RASA3: variants seen among roughly 807,000 people sequenced by gnomAD.
RASA3 encodes RAS p21 protein activator 3, also known as ras GTPase-activating protein 3.
Under a neutral mutation model 110.0 loss-of-function variants are expected in RASA3, and 73 were observed. The ratio of observed to expected loss-of-function variants is 0.66; its 90% CI spans 0.55 to 0.81. RASA3 has a LOEUF of 0.81. Among genes scored for constraint, RASA3 ranks in the 30% least tolerant of loss-of-function variants. The pLI, the probability that RASA3 is intolerant of heterozygous loss-of-function variation, is 0.00. For synonymous variants in RASA3, 500 were observed against 451.4 expected (o/e 1.11, Z -1.37); for missense variants, 976 against 1,113.2 (o/e 0.88, Z 1.75).
At chr13:114,027,141 G>A (rs1358447241) in intron 7 of RASA3, among the ~76,000 whole-genome samples, 1 of 152,238 alleles carries the variant, frequency 6.6e-6, no homozygotes, top group Non-Finnish European at 1.5e-5. Context: ...AGGAGGGAAG[G>A]TCCTGTGGCC....
chr13:114,117,630 GA>G (rs1454249428), intron 1 of RASA3, among the ~76,000 whole-genome samples: 1 of 138,394 alleles, frequency 7.2e-6, no homozygotes, highest in East Asian at 2.3e-4. Flanking sequence ...GCACGTGTCT[GA>G]GGGGTGCATG....
chr13:114,018,375 C>T, intron 10 of RASA3, 123 bp from the exon 11 acceptor site: 1 of 1,267,342 alleles, frequency 7.9e-7, no homozygotes. Context: ...GAGACAGAAA[C>T]ACACACATTC....
intron 1 of RASA3, among the ~76,000 whole-genome samples, chr13:114,100,369 G>C (rs1045473521): frequency 2.0e-5 from 3 of 152,174 alleles, no homozygotes; most frequent in Non-Finnish European, 4.4e-5. Context: ...GGAGATTTTA[G>C]ACTCTTGTGC....
intron 8 of RASA3, among the ~76,000 whole-genome samples, chr13:114,023,634 G>C (rs1047909399): frequency 3.3e-5 from 5 of 152,234 alleles, no homozygotes; most frequent in African/African-American, 1.2e-4. Context: ...GCGGGATCGT[G>C]GGGCTCTCTA....
At chr13:114,099,455 A>G (rs61971962) in intron 1 of RASA3, among the ~76,000 whole-genome samples, 10,557 of 151,744 alleles carry the variant, frequency 0.07, 451 homozygotes, top group Middle Eastern at 0.16. Flanking sequence ...GCACATTTGG[A>G]TTCCCCGGGG....
rs2053336866 is a variant in RASA3, at chr13:113,999,652, T to C, written c.1865A>G (p.Tyr622Cys). Residue 622 changes from tyrosine (Y) to cysteine (C), a missense_variant, in exon 20 of 24, where the codon TAC becomes TGC. Coordinates refer to ENST00000334062, the MANE Select transcript of RASA3 (RefSeq NM_007368.4). ...YHKSKGDQPLYSIPIENILAV... is the reference protein window; with the variant it reads ...YHKSKGDQPLCSIPIENILAV... ...CAGGATGTTCTCGATGGGAATGCTG[T>C]AGAGAGGCTGGTCCCCTGCAGCAGA... The C allele has an allele frequency of 5.0e-6, 8 of 1,612,008 alleles. No individual in the cohort carries two copies. The Admixed American group carries it at 1.0e-4, about 20-fold the overall frequency.
chr13:114,010,371 C>T (rs2053604788), intron 16 of RASA3, among the ~76,000 whole-genome samples: 2 of 151,962 alleles, frequency 1.3e-5, no homozygotes, highest in African/African-American at 4.8e-5. Flanking sequence ...CTGGCCTGGC[C>T]CCTGCAGAGA....
chr13:114,055,240 C>A (rs9525227), intron 2 of RASA3, among the ~76,000 whole-genome samples: 1 of 152,186 alleles, frequency 6.6e-6, no homozygotes. Flanking sequence ...CATGTTCATG[C>A]GTGCATGCAT....
At chr13:114,027,753 A>G in intron 6 of RASA3, 94 bp downstream of exon 6, 1 of 1,289,538 alleles carries the variant, frequency 7.8e-7, no homozygotes. Context: ...CAACCTCCTG[A>G]CTCCTCCCAA....
intron 1 of RASA3, among the ~76,000 whole-genome samples, chr13:114,074,322 CTG>C (rs2079630412): frequency 6.6e-6 from 1 of 152,182 alleles, no homozygotes; most frequent in African/African-American, 2.4e-5. Context: ...ACCCCACTTT[CTG>C]TCTCTGTGGA....
At chr13:114,128,068 C>T (rs1031071348) in intron 1 of RASA3, among the ~76,000 whole-genome samples, 1 of 152,214 alleles carries the variant, frequency 6.6e-6, no homozygotes, top group Non-Finnish European at 1.5e-5. Flanking sequence ...CCTGCACCTT[C>T]GTCCTCAGGG....
Position 114,038,493 on chromosome 13 carries a change from G to A in RASA3, c.372+2507C>T, listed in dbSNP as rs114944182. On this transcript the variant is annotated intron_variant, in intron 4 of 23. Transcript: ENST00000334062. ...GTTAATTAAGTGTGACGCACAATTA[G>A]CACAGGTCCCTTGGGGCAGGGCCAT... Among the ~76,000 whole-genome samples, 296 of 152,340 alleles carry A rather than the reference G, an allele frequency of 1.9e-3. 2 individuals are homozygous for A. The highest frequency in any genetic ancestry group is 6.9e-3 in the African/African-American group (288 of 41,588).
At chr13:114,062,479 G>A (rs983209101) in intron 2 of RASA3, among the ~76,000 whole-genome samples, 2 of 152,116 alleles carry the variant, frequency 1.3e-5, no homozygotes, top group Non-Finnish European at 2.9e-5. Flanking sequence ...CGGTTCCTCC[G>A]ACGTTCAACA....
chr13:114,039,504 C>G (rs910844107), intron 4 of RASA3, among the ~76,000 whole-genome samples: 1 of 152,230 alleles, frequency 6.6e-6, no homozygotes. Flanking sequence ...TGCCGCAACC[C>G]TACACTCAGA....
chr13:113,981,883 C>T, intron 22 of RASA3, 25 bp from the exon 23 acceptor site: 1 of 1,604,320 alleles, frequency 6.2e-7, no homozygotes, highest in Non-Finnish European at 8.5e-7. Context: ...GGGGTCAGCG[C>T]AGGGCAGGAG....
At chr13:114,030,436 G>A (rs111263914) in intron 4 of RASA3, among the ~76,000 whole-genome samples, 6,144 of 113,210 alleles carry the variant, frequency 0.054, 477 homozygotes, top group East Asian at 0.16. Flanking sequence ...AGAGGGCAAG[G>A]CTCACACAGA....
rs997146581 is a variant in RASA3 at position 114,058,386 on chromosome 13, C to T, written c.174-6231G>A. On this transcript the variant is annotated intron_variant, in intron 2 of 23. Transcript: ENST00000334062. ...TGCACACCTGCCTGACGACCTCTCCCGAACCTGGATTCCCACCACAGAATT... is the reference window on the plus strand; with the variant it reads ...TGCACACCTGCCTGACGACCTCTCCTGAACCTGGATTCCCACCACAGAATT... Among the ~76,000 whole-genome samples the T allele has an allele frequency of 4.6e-5, 7 of 152,240 alleles. No individual in the cohort carries two copies. The East Asian group carries it at 5.8e-4, about 13-fold the overall frequency.
chr13:114,022,899 C>T (rs1379789960), intron 8 of RASA3, among the ~76,000 whole-genome samples: 1 of 152,038 alleles, frequency 6.6e-6, no homozygotes. Context: ...CAGATCTGAC[C>T]GACCACGTCA....
intron 4 of RASA3, among the ~76,000 whole-genome samples, chr13:114,038,005 C>T (rs1314703659): frequency 7.2e-5 from 11 of 151,982 alleles, no homozygotes; most frequent in Non-Finnish European, 1.2e-4. Context: ...GGTGGGAATT[C>T]GCCCCTCGCC....
Sources: allele counts gnomAD v4.1 joint callset (sites outside exome capture counted in the v4.1 genomes callset), GRCh38; gene constraint gnomAD v4.1.1; transcripts MANE v1.5; gene names NCBI Gene and HGNC (gene_info 2026-07-23, HGNC 2026-07-21).